RAPGEF2: variants seen among roughly 807,000 people sequenced by gnomAD.
RAPGEF2 encodes PDZ domain containing guanine nucleotide exchange factor (GEF) 1.
In RAPGEF2, 54 loss-of-function variants were observed where a neutral mutation model predicts 186.7. The observed-to-expected ratio is 0.29, with a 90% CI of 0.23 to 0.36. The LOEUF (loss-of-function observed/expected upper bound fraction) is 0.36, where lower values mean the gene tolerates loss of function less well. Ranked by LOEUF, RAPGEF2 falls within the 10% of genes least tolerant of loss-of-function variation. The probability of loss-of-function intolerance (pLI) is 1.00; values close to 1 mark genes in which losing one functional copy is unlikely to be tolerated. For missense variants in RAPGEF2, 1,532 were observed against 2,045.0 expected (o/e 0.75, Z 4.84); for synonymous variants, 712 against 705.9 (o/e 1.01, Z -0.14).
intron 24 of RAPGEF2, among the ~76,000 whole-genome samples, chr4:159,346,516 T>C: frequency 6.6e-6 from 1 of 152,244 alleles, no homozygotes; most frequent in Non-Finnish European, 1.5e-5. Flanking sequence ...CACATTTTTC[T>C]ATATTTTTAA....
rs944534704 is a variant in RAPGEF2, at chr4:159,178,806, G to A, written c.70-7836G>A. 4.6e-5 allele frequency among the ~76,000 whole-genome samples: 7 copies of A among 151,914 alleles called. No individual in the cohort carries two copies. In the East Asian group the frequency reaches 7.7e-4, roughly 17 times the overall value. ...GCTCCTGACCTCAGGCAATTCACCCGCCTCGGCTTCCCAAAGTGCTGGGAT... is the reference window on the plus strand; with the variant it reads ...GCTCCTGACCTCAGGCAATTCACCCACCTCGGCTTCCCAAAGTGCTGGGAT... On this transcript the variant is annotated intron_variant, in intron 1 of 29. Coordinates refer to ENST00000691494, the MANE Select transcript of RAPGEF2 (RefSeq NM_001394067.2).
At chr4:159,189,491 G>A (rs1391830408) in intron 2 of RAPGEF2, among the ~76,000 whole-genome samples, 1 of 152,166 alleles carries the variant, frequency 6.6e-6, no homozygotes, top group Non-Finnish European at 1.5e-5. Context: ...GTAATTGGGA[G>A]CAGAGACCAA....
chr4:159,207,027 A>G (rs1170089437), intron 3 of RAPGEF2, among the ~76,000 whole-genome samples: 1 of 152,240 alleles, frequency 6.6e-6, no homozygotes, highest in Non-Finnish European at 1.5e-5. Flanking sequence ...TTTGCTTATC[A>G]TATGTGGCCT....
intron 1 of RAPGEF2, among the ~76,000 whole-genome samples, chr4:159,118,481 C>G (rs1168507014): frequency 1.3e-5 from 2 of 152,010 alleles, no homozygotes; most frequent in Non-Finnish European, 2.9e-5. Context: ...CTTGAATCAT[C>G]CTGCACCCCC....
chr4:159,144,301 C>A (rs1352915869), intron 1 of RAPGEF2, among the ~76,000 whole-genome samples: 2 of 152,144 alleles, frequency 1.3e-5, no homozygotes, highest in South Asian at 2.1e-4. Flanking sequence ...TAATCTGGTT[C>A]ATTTATCTTA....
chr4:159,110,931 T>C (rs1386001208), intron 1 of RAPGEF2, among the ~76,000 whole-genome samples: 1 of 152,070 alleles, frequency 6.6e-6, no homozygotes, highest in Non-Finnish European at 1.5e-5. Flanking sequence ...TAGTTAAAAC[T>C]ATGTTCAAGT....
chr4:159,210,496 T>A lies in RAPGEF2; in HGVS notation c.198-4T>A. 6.5e-7 allele frequency: 1 copy of A among 1,526,826 alleles called. No individual in the cohort carries two copies. 94.6% of individuals were successfully genotyped at this position (1,526,826 alleles called of 1,614,324 possible). On this transcript the variant is annotated splice_polypyrimidine_tract_variant and splice_region_variant and intron_variant, in intron 3 of 29. Transcript: ENST00000691494. ...AATCTGATTCTGTTACCTTTTCTTT[T>A]CAGCCCTGATGATATTGGGACCTGC...
intron 4 of RAPGEF2, among the ~76,000 whole-genome samples, chr4:159,229,779 G>A (rs1406400517): frequency 1.3e-5 from 2 of 152,190 alleles, no homozygotes; most frequent in African/African-American, 4.8e-5. Flanking sequence ...ATGAAAGTCT[G>A]AATTGTTATA....
At chr4:159,348,661 T>C (rs1185477434) in intron 25 of RAPGEF2, among the ~76,000 whole-genome samples, 1 of 152,166 alleles carries the variant, frequency 6.6e-6, no homozygotes, top group Non-Finnish European at 1.5e-5. Context: ...ATATGGAAGA[T>C]TATCAGTCTT....
intron 1 of RAPGEF2, among the ~76,000 whole-genome samples, chr4:159,113,613 A>G (rs1383201848): frequency 6.6e-6 from 1 of 151,892 alleles, no homozygotes; most frequent in Non-Finnish European, 1.5e-5. Flanking sequence ...GTGGTGGCGC[A>G]TGCTTGTAAT....
At chr4:159,199,001 C>T (rs1749108695) in intron 3 of RAPGEF2, among the ~76,000 whole-genome samples, 1 of 146,378 alleles carries the variant, frequency 6.8e-6, no homozygotes, top group Non-Finnish European at 1.5e-5. Context: ...GCCTGAGCCC[C>T]AGCAGCAGGG....
intron 7 of RAPGEF2, among the ~76,000 whole-genome samples, chr4:159,301,471 T>C (rs1347259549): frequency 6.6e-6 from 1 of 152,228 alleles, no homozygotes; most frequent in African/African-American, 2.4e-5. Flanking sequence ...ACATATCTCA[T>C]ATTAAAAGGC....
intron 1 of RAPGEF2, among the ~76,000 whole-genome samples, chr4:159,182,522 A>T (rs1747131786): frequency 6.6e-6 from 1 of 151,046 alleles, no homozygotes; most frequent in South Asian, 2.1e-4. Flanking sequence ...TAGCCTCCCA[A>T]GTAGCTGGGA....
At chr4:159,295,740 TGTGTGTGTGTGTGTGCGCGCGCGCGC>T (rs1169404460) in intron 7 of RAPGEF2, among the ~76,000 whole-genome samples, 5 of 134,272 alleles carry the variant, frequency 3.7e-5, no homozygotes, top group Non-Finnish European at 1.5e-5. Context: ...TGTGTGTGTG[TGTGTGTGTGTGTGTGCGCGCGCGCGC>T]GCGCGCGCAT....
At chr4:159,244,550 C>T (rs1200606974) in intron 7 of RAPGEF2, among the ~76,000 whole-genome samples, 1 of 151,584 alleles carries the variant, frequency 6.6e-6, no homozygotes, top group Admixed American at 6.6e-5. Context: ...TGGGGTTATC[C>T]GGGAATTTTG....
intron 4 of RAPGEF2, among the ~76,000 whole-genome samples, chr4:159,230,343 G>A (rs145237943): frequency 6.6e-6 from 1 of 152,240 alleles, no homozygotes; most frequent in East Asian, 1.9e-4. Context: ...CTATTCATAT[G>A]TGTGTGTTAA....
At chr4:159,128,808 C>A (rs559161125) in intron 1 of RAPGEF2, 4 of 148,340 alleles carry the variant, frequency 2.7e-5, no homozygotes, top group Non-Finnish European at 4.5e-5. Flanking sequence ...AAGTTCTTCA[C>A]TTTAAAGAGT....
intron 7 of RAPGEF2, among the ~76,000 whole-genome samples, chr4:159,297,336 G>A (rs770502662): frequency 6.6e-5 from 10 of 152,116 alleles, no homozygotes; most frequent in Non-Finnish European, 1.5e-4. Flanking sequence ...AAGCTTTGTG[G>A]TTTTACCATA....
At chr4:159,154,474 T>G (rs1351573499) in intron 1 of RAPGEF2, among the ~76,000 whole-genome samples, 1 of 151,894 alleles carries the variant, frequency 6.6e-6, no homozygotes, top group Non-Finnish European at 1.5e-5. Flanking sequence ...AAACACATTC[T>G]TATGTTTTTC....
Sources: gnomAD v4.1 joint callset for allele counts (sites outside exome capture counted in the v4.1 genomes callset) on GRCh38, gnomAD v4.1.1 for gene constraint, MANE v1.5 for transcripts, NCBI Gene and HGNC (gene_info 2026-07-23, HGNC 2026-07-21) for gene names.